The following SLC9A7 variants were observed in gnomAD, a reference collection of about 807,000 sequenced individuals.
The protein encoded by SLC9A7 is sodium/hydrogen exchanger 7.
In SLC9A7, 19 loss-of-function variants were observed where a neutral mutation model predicts 52.6. That is an observed-to-expected ratio of 0.36 (90% CI 0.25 to 0.53). The LOEUF (loss-of-function observed/expected upper bound fraction) is 0.53. Ranked by LOEUF, SLC9A7 falls within the 20% of genes least tolerant of loss-of-function variation. The probability of loss-of-function intolerance (pLI) is 0.91; values close to 1 mark genes in which losing one functional copy is unlikely to be tolerated. For synonymous variants in SLC9A7, 226 were observed against 252.1 expected (o/e 0.90, Z 0.98); for missense variants, 455 against 597.9 (o/e 0.76, Z 2.49).
intron 5 of SLC9A7, among the ~76,000 whole-genome samples, chrX:46,668,015 C>A (rs1943949141): frequency 8.9e-6 from 1 of 111,824 alleles, no homozygotes; most frequent in Non-Finnish European, 1.9e-5. Context: ...AGTGCACAGT[C>A]CTGCAGGAAT....
chrX:46,629,236 C>T (rs1943184426), intron 14 of SLC9A7, among the ~76,000 whole-genome samples: 1 of 111,390 alleles, frequency 9.0e-6, no homozygotes, highest in South Asian at 3.7e-4. Context: ...ACCACATGTG[C>T]GGTGCTCTCA....
rs1162248798 is a variant in SLC9A7 at position 46,600,191 on chromosome X, C to G, written c.*6761G>C. On this transcript the variant is annotated 3_prime_UTR_variant, in exon 17 of 17. Transcript: ENST00000616978. Reference sequence around the variant, plus strand: ...GAATAATCACAACACAAGTCAGCCCCTAAATGTCCATGCAGTTAAGTCATC... The same window carrying G: ...GAATAATCACAACACAAGTCAGCCCGTAAATGTCCATGCAGTTAAGTCATC... 1 of 112,147 alleles carries G rather than the reference C, an allele frequency of 8.9e-6. No homozygotes were observed. Among genetic ancestry groups the G allele is most frequent in the African/African-American group, 3.2e-5 (1 of 30,883 alleles). The allele number at this position is 112,147 out of a possible 1,213,427, so 9.2% of individuals were successfully genotyped here. A position where few individuals can be genotyped will look rare whatever the true frequency, so the allele number is the denominator to read the frequency against.
At chrX:46,748,509 C>G (rs936424803) in intron 1 of SLC9A7, among the ~76,000 whole-genome samples, 46 of 104,295 alleles carry the variant, frequency 4.4e-4, no homozygotes, top group African/African-American at 1.5e-3. Context: ...GGAAATAACC[C>G]GAGTGTCCAC....
At chrX:46,736,950 G>A (rs1945131184) in intron 1 of SLC9A7, among the ~76,000 whole-genome samples, 2 of 111,539 alleles carry the variant, frequency 1.8e-5, no homozygotes, top group South Asian at 7.5e-4. Context: ...GTGAACCTGG[G>A]TCTTGGGGTT....
rs782435456 is a variant in SLC9A7 at position 46,753,811 on chromosome X, G to A, written c.325+4894C>T. Among the ~76,000 whole-genome samples, 30 of 109,624 alleles carry A rather than the reference G, an allele frequency of 2.7e-4. 1 individual carries two copies. The South Asian group carries it at 0.012, about 44-fold the overall frequency. Reference sequence around the variant, plus strand: ...ATCCTGGCTAACATGGTGAAACCCCGTCTCTACTAAAAATACAAAAAGGAA... The same window carrying A: ...ATCCTGGCTAACATGGTGAAACCCCATCTCTACTAAAAATACAAAAAGGAA... On this transcript the variant is annotated intron_variant, in intron 1 of 16. Transcript: ENST00000616978.
chrX:46,696,271 C>T (rs916828025), intron 1 of SLC9A7, among the ~76,000 whole-genome samples: 8 of 111,104 alleles, frequency 7.2e-5, no homozygotes, highest in Non-Finnish European at 5.6e-5. Flanking sequence ...CAGACGTGAG[C>T]GACTGCGCCC....
At chrX:46,741,213 T>C (rs1921327810) in intron 1 of SLC9A7, among the ~76,000 whole-genome samples, 1 of 111,638 alleles carries the variant, frequency 9.0e-6, no homozygotes, top group Admixed American at 9.6e-5. Flanking sequence ...TCTCCTCAAA[T>C]TGACTAACAG....
intron 1 of SLC9A7, among the ~76,000 whole-genome samples, chrX:46,713,877 T>G (rs769867329): frequency 3.9e-5 from 4 of 103,228 alleles, no homozygotes; most frequent in Non-Finnish European, 6.0e-5. Flanking sequence ...TTTCTGTGGG[T>G]TTTTTTTTTT....
intron 5 of SLC9A7, among the ~76,000 whole-genome samples, chrX:46,667,385 T>C (rs967153703): frequency 9.5e-6 from 1 of 105,761 alleles, no homozygotes; most frequent in Non-Finnish European, 2.0e-5. Context: ...GAGGTCAATG[T>C]TTTTTTTTTT....
At chrX:46,716,740 AC>A (rs2146947861) in intron 1 of SLC9A7, among the ~76,000 whole-genome samples, 1 of 112,557 alleles carries the variant, frequency 8.9e-6, no homozygotes, top group Admixed American at 9.4e-5. Context: ...GGCAAATAGT[AC>A]CCAAGTGGCT....
intron 11 of SLC9A7, among the ~76,000 whole-genome samples, chrX:46,644,809 G>A (rs1943463181): frequency 9.0e-6 from 1 of 111,611 alleles, no homozygotes; most frequent in Non-Finnish European, 1.9e-5. Context: ...TATGTAATCT[G>A]AGCACTTCAC....
intron 9 of SLC9A7, 23 bp downstream of exon 9, chrX:46,651,293 T>C: frequency 8.4e-7 from 1 of 1,197,551 alleles, no homozygotes; most frequent in Non-Finnish European, 1.1e-6. Context: ...AAGCAACTCG[T>C]GAGTACCAAG....
At position 46,608,425 on chromosome X, in the gene SLC9A7, C is replaced by G. The variant is rs1942788938; in HGVS notation, c.1930-1222G>C. ...CTGTGACTCCACTTAACTAATGCTT[C>G]AGCATTTTTGACAGGCAAGCACGCA... On this transcript the variant is annotated intron_variant, in intron 16 of 16. Coordinates refer to ENST00000616978, the MANE Select transcript of SLC9A7 (RefSeq NM_001257291.2). Among the ~76,000 whole-genome samples the G allele has an allele frequency of 2.7e-5, 3 of 112,568 alleles. No individual in the cohort carries two copies. The South Asian group carries it at 1.1e-3, about 41-fold the overall frequency.
intron 1 of SLC9A7, among the ~76,000 whole-genome samples, chrX:46,742,956 G>A (rs777161664): frequency 9.1e-6 from 1 of 110,148 alleles, no homozygotes; most frequent in African/African-American, 3.3e-5. Flanking sequence ...GGAGGCTGAG[G>A]CAGGAGATCA....
At chrX:46,678,001 G>A (rs896262499) in intron 3 of SLC9A7, among the ~76,000 whole-genome samples, 4 of 111,506 alleles carry the variant, frequency 3.6e-5, no homozygotes, top group African/African-American at 6.5e-5. Context: ...TGTTTTTCAC[G>A]GCAAGATCTC....
intron 1 of SLC9A7, among the ~76,000 whole-genome samples, chrX:46,708,834 A>G (rs1944644622): frequency 9.0e-6 from 1 of 111,562 alleles, no homozygotes; most frequent in East Asian, 2.8e-4. Context: ...AACATAAACA[A>G]TTGGTATCTC....
At chrX:46,703,635 A>G (rs1236869575) in intron 1 of SLC9A7, among the ~76,000 whole-genome samples, 2 of 111,584 alleles carry the variant, frequency 1.8e-5, no homozygotes, top group Admixed American at 1.9e-4. Flanking sequence ...GCGACACCAC[A>G]TTATTATAAA....
At chrX:46,612,709 C>T (rs1942872860) in intron 16 of SLC9A7, among the ~76,000 whole-genome samples, 1 of 108,380 alleles carries the variant, frequency 9.2e-6, no homozygotes, top group African/African-American at 3.3e-5. Context: ...GGGTGGATCA[C>T]GAGGTCAGGA....
At chrX:46,721,052 G>C (rs981944380) in intron 1 of SLC9A7, among the ~76,000 whole-genome samples, 23 of 111,730 alleles carry the variant, frequency 2.1e-4, no homozygotes, top group African/African-American at 7.5e-4. Context: ...ATCGCCTCTG[G>C]TCCTTATACA....
Sources: gnomAD v4.1 joint callset for allele counts (sites outside exome capture counted in the v4.1 genomes callset) on GRCh38, gnomAD v4.1.1 for gene constraint, MANE v1.5 for transcripts, NCBI Gene and HGNC (gene_info 2026-07-23, HGNC 2026-07-21) for gene names.